The following SLC22A24 variants were observed in gnomAD, a reference collection of about 807,000 sequenced individuals.
SLC22A24 encodes the protein steroid transmembrane transporter SLC22A24.
In SLC22A24, 53 loss-of-function variants were observed where a neutral mutation model predicts 49.8. The observed-to-expected ratio is 1.06, with a 90% CI of 0.85 to 1.34. The LOEUF (loss-of-function observed/expected upper bound fraction) is 1.34, where lower values mean the gene tolerates loss of function less well. Ranked by LOEUF, SLC22A24 falls within the 40% of genes most tolerant of loss-of-function variation. The pLI, the probability that SLC22A24 is intolerant of heterozygous loss-of-function variation, is 0.00. For missense variants in SLC22A24, 786 were observed against 675.9 expected, an observed-to-expected ratio of 1.16 and a Z score of -1.81; for synonymous variants, 302 against 256.4, an observed-to-expected ratio of 1.18 and a Z score of -1.70.
At chr11:63,080,845 C>T (rs763740804) in intron 9 of SLC22A24, 75 bp downstream of exon 9, 12 of 1,312,530 alleles carry the variant, frequency 9.1e-6, no homozygotes, top group South Asian at 2.8e-5. Context: ...CCCAAATGGT[C>T]GTTGACCTTT....
chr11:63,118,825 A>T (rs908559992), intron 4 of SLC22A24, 87 bp downstream of exon 4: 1 of 1,387,580 alleles, frequency 7.2e-7, no homozygotes, highest in African/African-American at 1.4e-5. Context: ...TAGGCCAGAG[A>T]CCGAACAGAT....
chr11:63,099,640 A>G (rs1285915147), intron 5 of SLC22A24, among the ~76,000 whole-genome samples: 6 of 152,054 alleles, frequency 3.9e-5, no homozygotes, highest in African/African-American at 1.4e-4. Context: ...ACTACAGGTT[A>G]ATATCCCTGA....
chr11:63,108,183 T>C (rs1184403004), intron 4 of SLC22A24, among the ~76,000 whole-genome samples: 1 of 152,212 alleles, frequency 6.6e-6, no homozygotes, highest in Non-Finnish European at 1.5e-5. Context: ...CTGCATCTAT[T>C]GAGATAATCA....
intron 7 of SLC22A24, among the ~76,000 whole-genome samples, chr11:63,081,995 G>A (rs1240491634): frequency 2.0e-5 from 3 of 152,008 alleles, no homozygotes; most frequent in Non-Finnish European, 4.4e-5. Context: ...TCCAGTGGGG[G>A]CACAGAACTA....
chr11:63,099,706 C>T (rs1041281931), intron 5 of SLC22A24, among the ~76,000 whole-genome samples: 13 of 151,930 alleles, frequency 8.6e-5, no homozygotes, highest in Non-Finnish European at 1.6e-4. Flanking sequence ...TTCAATGACA[C>T]GTGAAGAAGA....
intron 6 of SLC22A24, among the ~76,000 whole-genome samples, chr11:63,084,429 T>TAC (rs987359797): frequency 4.0e-4 from 60 of 151,546 alleles, no homozygotes; most frequent in African/African-American, 1.4e-3. Context: ...GAGAAAAGAG[T>TAC]GTTGGGGTGG....
At chr11:63,122,584 G>T in intron 2 of SLC22A24, among the ~76,000 whole-genome samples, 1 of 152,102 alleles carries the variant, frequency 6.6e-6, no homozygotes, top group East Asian at 1.9e-4. Flanking sequence ...GTGCCATCTC[G>T]GCTCACTGCA....
chr11:63,088,527 C>A (rs545646680), intron 6 of SLC22A24, among the ~76,000 whole-genome samples: 4 of 152,242 alleles, frequency 2.6e-5, no homozygotes, highest in African/African-American at 9.6e-5. Context: ...CCTCTTCTCT[C>A]CAATGATCCC....
At chr11:63,133,981 A>G (rs1418818138) in intron 2 of SLC22A24, among the ~76,000 whole-genome samples, 3 of 152,178 alleles carry the variant, frequency 2.0e-5, no homozygotes, top group Non-Finnish European at 4.4e-5. Context: ...TGAATATACC[A>G]CAATCTATTA....
At chr11:63,091,126 C>T (rs1372498829) in intron 6 of SLC22A24, among the ~76,000 whole-genome samples, 2 of 152,168 alleles carry the variant, frequency 1.3e-5, no homozygotes, top group Non-Finnish European at 2.9e-5. Flanking sequence ...ACTATAAACA[C>T]CTCTACGCAA....
intron 4 of SLC22A24, chr11:63,115,990 C>T (rs773094290): frequency 4.9e-5 from 16 of 324,322 alleles, no homozygotes; most frequent in East Asian, 1.2e-4. Context: ...TGGCACTGCC[C>T]GAGCCCCTTG....
Position 63,134,648 on chromosome 11 carries a change from A to G in SLC22A24, c.506+17T>C, listed in dbSNP as rs116859532. 0.019 allele frequency: 27,109 copies of G among 1,395,516 alleles called. 339 individuals are homozygous for G. The highest frequency in any genetic ancestry group is 0.055 in the Middle Eastern group (310 of 5,686). The allele number at this position is 1,395,516 out of a possible 1,614,324, so 86.4% of individuals were successfully genotyped here. A position where few individuals can be genotyped will look rare whatever the true frequency, so the allele number is the denominator to read the frequency against. On this transcript the variant is annotated intron_variant, in intron 2 of 9. Transcript: ENST00000612278. Reference sequence around the variant, plus strand: ...TCATCTGATAAACAGCCCCAAAGAAAGTGAGATGACACTCACCTGTCTGAA... The same window carrying G: ...TCATCTGATAAACAGCCCCAAAGAAGGTGAGATGACACTCACCTGTCTGAA...
chr11:63,134,627 C>G, intron 2 of SLC22A24, 38 bp downstream of exon 2: 1 of 1,172,430 alleles, frequency 8.5e-7, no homozygotes, highest in Admixed American at 2.0e-5. Context: ...AATATATCAT[C>G]TGATAAACAG....
intron 6 of SLC22A24, among the ~76,000 whole-genome samples, chr11:63,091,078 C>A (rs2087017701): frequency 1.3e-5 from 2 of 150,038 alleles, no homozygotes; most frequent in South Asian, 4.2e-4. Flanking sequence ...GAGGTATCAC[C>A]ACTGATCCCA....
intron 2 of SLC22A24, among the ~76,000 whole-genome samples, chr11:63,122,757 T>C (rs2087260954): frequency 1.3e-5 from 2 of 152,114 alleles, no homozygotes; most frequent in Admixed American, 6.5e-5. Flanking sequence ...CCTGACTTCG[T>C]GATCCGCTAG....
chr11:63,135,335 G>T (rs566540198), intron 1 of SLC22A24, among the ~76,000 whole-genome samples: 1 of 152,244 alleles, frequency 6.6e-6, no homozygotes, highest in East Asian at 1.9e-4. Flanking sequence ...TGTGCCCAGA[G>T]GTTCTGATTT....
intron 6 of SLC22A24, among the ~76,000 whole-genome samples, chr11:63,084,782 C>A (rs2086978313): frequency 6.6e-6 from 1 of 152,102 alleles, no homozygotes; most frequent in Non-Finnish European, 1.5e-5. Flanking sequence ...TCAACAATAT[C>A]TTCTTACCCT....
rs1217458741 is a variant in SLC22A24, at chr11:63,143,770, C to G, written c.10G>C (p.Asp4His). Reference protein sequence around the residue: MGFDVLLDQVGGMG... With the variant: MGFHVLLDQVGGMG... ...CCACCCACTTGATCCAGGAGCACAT[C>G]AAAGCCCATTGAGACTGAACAGGTG... Residue 4 changes from aspartate (D) to histidine (H), a missense_variant, in exon 1 of 10, where the codon GAT (aspartate) becomes CAT (histidine). Asp to His is a moderately conservative substitution (Grantham distance 81). Coordinates refer to ENST00000612278, the MANE Select transcript of SLC22A24 (RefSeq NM_001136506.2). 40 of 1,430,554 alleles carry G rather than the reference C, an allele frequency of 2.8e-5. No homozygotes were observed. The highest frequency in any genetic ancestry group is 5.5e-5 in the East Asian group (2 of 36,566). 88.6% of individuals were successfully genotyped at this position (1,430,554 alleles called of 1,614,324 possible). A position where few individuals can be genotyped will look rare whatever the true frequency, so the allele number is the denominator to read the frequency against.
At chr11:63,106,181 G>A (rs1011780713) in intron 4 of SLC22A24, among the ~76,000 whole-genome samples, 1 of 149,934 alleles carries the variant, frequency 6.7e-6, no homozygotes, top group Non-Finnish European at 1.5e-5. Flanking sequence ...AACATGCGGT[G>A]TTTGGTTTTT....
Sources: gnomAD v4.1 joint callset for allele counts (sites outside exome capture counted in the v4.1 genomes callset) on GRCh38, gnomAD v4.1.1 for gene constraint, MANE v1.5 for transcripts, NCBI Gene and HGNC (gene_info 2026-07-23, HGNC 2026-07-21) for gene names.